The following LRBA variants were observed in gnomAD, a reference collection of about 807,000 sequenced individuals.
The protein encoded by LRBA is LPS responsive beige-like anchor protein, also known as lipopolysaccharide-responsive and beige-like anchor protein.
Under a neutral mutation model 330.0 loss-of-function variants are expected in LRBA, and 176 were observed. The observed-to-expected ratio is 0.53, with a 90% CI of 0.47 to 0.60. The LOEUF (loss-of-function observed/expected upper bound fraction) is 0.60, where lower values mean the gene tolerates loss of function less well. Among genes scored for constraint, LRBA ranks in the 20% least tolerant of loss-of-function variants. LRBA has a pLI of 0.00. For missense variants in LRBA, 3,259 were observed against 3,444.8 expected (o/e 0.95, Z 1.35); for synonymous variants, 1,230 against 1,193.0 (o/e 1.03, Z -0.64).
chr4:150,638,319 G>A (rs970718194), intron 37 of LRBA, among the ~76,000 whole-genome samples: 9 of 152,132 alleles, frequency 5.9e-5, no homozygotes, highest in East Asian at 3.9e-4. Context: ...AAGCCACCAC[G>A]CCCGGCCAAC....
chr4:150,410,729 A>G (rs1746868953), intron 47 of LRBA, among the ~76,000 whole-genome samples: 1 of 152,190 alleles, frequency 6.6e-6, no homozygotes, highest in Admixed American at 6.5e-5. Flanking sequence ...AGCACCCAAT[A>G]AATACATGTT....
chr4:150,949,539 TAA>T (rs1168976943), intron 2 of LRBA, among the ~76,000 whole-genome samples: 1 of 152,094 alleles, frequency 6.6e-6, no homozygotes, highest in Non-Finnish European at 1.5e-5. Context: ...GGAAACCGGA[TAA>T]AGAGTACAAA....
At chr4:150,319,098 C>T (rs190269473) in intron 50 of LRBA, among the ~76,000 whole-genome samples, 2 of 152,224 alleles carry the variant, frequency 1.3e-5, no homozygotes, top group East Asian at 1.9e-4. Flanking sequence ...GTCATCAACG[C>T]GTAGGGTCTT....
chr4:150,579,999 G>GC (rs1771071787), intron 40 of LRBA: 1 of 305,092 alleles, frequency 3.3e-6, no homozygotes, highest in Non-Finnish European at 6.5e-6. Flanking sequence ...TCTCCCGGCA[G>GC]CGCAGTGCCC....
intron 40 of LRBA, among the ~76,000 whole-genome samples, chr4:150,492,389 C>T (rs1051919167): frequency 1.3e-5 from 2 of 151,992 alleles, no homozygotes; most frequent in Admixed American, 1.3e-4. Flanking sequence ...AGAAATCCTA[C>T]TAATTCAGTA....
At chr4:150,979,503 C>T (rs191912413) in intron 2 of LRBA, among the ~76,000 whole-genome samples, 12 of 152,138 alleles carry the variant, frequency 7.9e-5, no homozygotes. Flanking sequence ...CACAATAACA[C>T]CATAACTTGG....
At chr4:150,630,847 A>G (rs1178071914) in intron 37 of LRBA, among the ~76,000 whole-genome samples, 1 of 152,134 alleles carries the variant, frequency 6.6e-6, no homozygotes, top group Non-Finnish European at 1.5e-5. Context: ...CATACTATGG[A>G]AAGAGATGTT....
chr4:150,986,219 A>C (rs1365091275), intron 2 of LRBA, among the ~76,000 whole-genome samples: 1 of 152,028 alleles, frequency 6.6e-6, no homozygotes, highest in African/African-American at 2.4e-5. Flanking sequence ...ACAAAAGACA[A>C]TTTTTCCACA....
chr4:150,571,202 G>GA (rs1298332325), intron 40 of LRBA, among the ~76,000 whole-genome samples: 7 of 150,552 alleles, frequency 4.6e-5, no homozygotes, highest in Admixed American at 1.3e-4. Context: ...TTTCATTCCT[G>GA]AAAAAGCAAC....
intron 34 of LRBA, among the ~76,000 whole-genome samples, chr4:150,764,242 C>T (rs896375629): frequency 1.3e-5 from 2 of 151,176 alleles, no homozygotes; most frequent in Admixed American, 1.3e-4. Context: ...AAAGTATCCA[C>T]TGTCAGGAAA....
Position 150,928,459 on chromosome 4 carries a change from G to A in LRBA, c.549+57C>T, listed in dbSNP as rs544401577. Reference sequence around the variant, plus strand: ...TAATATCAGTTACTTTACAAGCTACGAATGTGTTTGGGAGGAGCATACTTT... The same window carrying A: ...TAATATCAGTTACTTTACAAGCTACAAATGTGTTTGGGAGGAGCATACTTT... On this transcript the variant is annotated intron_variant, in intron 4 of 56. Transcript: ENST00000651943. The A allele has an allele frequency of 1.4e-4, 142 of 1,003,642 alleles. No individual in the cohort carries two copies. The African/African-American group carries it at 1.9e-3, about 13-fold the overall frequency. The allele number at this position is 1,003,642 out of a possible 1,614,324, so 62.2% of individuals were successfully genotyped here.
chr4:150,281,633 G>A (rs1236751904), intron 55 of LRBA, among the ~76,000 whole-genome samples: 1 of 152,098 alleles, frequency 6.6e-6, no homozygotes, highest in Non-Finnish European at 1.5e-5. Context: ...CCCTACTCCT[G>A]CCCCCAACAT....
chr4:150,720,973 A>C (rs1728855123), intron 36 of LRBA: 1 of 492,564 alleles, frequency 2.0e-6, no homozygotes, highest in African/African-American at 2.0e-5. Flanking sequence ...AAGTCAAGCA[A>C]GGCAGTCATG....
chr4:150,920,196 A>AT (rs1173393132), intron 5 of LRBA, among the ~76,000 whole-genome samples: 2 of 152,216 alleles, frequency 1.3e-5, no homozygotes, highest in African/African-American at 4.8e-5. Context: ...GAGAACTAAC[A>AT]TAAAAAAAAG....
At chr4:150,811,294 T>C (rs966684170) in intron 31 of LRBA, among the ~76,000 whole-genome samples, 6 of 152,216 alleles carry the variant, frequency 3.9e-5, no homozygotes, top group African/African-American at 1.4e-4. Context: ...ACATTTTCTC[T>C]ATTAGGATTA....
chr4:150,557,622 C>T (rs1475379832), intron 40 of LRBA, among the ~76,000 whole-genome samples: 20 of 151,950 alleles, frequency 1.3e-4, no homozygotes, highest in Admixed American at 1.3e-3. Flanking sequence ...CCTTTGACAG[C>T]TTTAAAGAGT....
chr4:150,870,072 T>C (rs1753245588), intron 20 of LRBA, among the ~76,000 whole-genome samples: 1 of 152,216 alleles, frequency 6.6e-6, no homozygotes. Flanking sequence ...GTATACTTTA[T>C]ACAAGTGCTT....
intron 40 of LRBA, among the ~76,000 whole-genome samples, chr4:150,526,795 T>A (rs527873274): frequency 2.0e-5 from 3 of 152,258 alleles, no homozygotes; most frequent in Admixed American, 2.0e-4. Flanking sequence ...AGACTTCTAT[T>A]TTTAATTAAC....
chr4:150,882,363 T>C (rs1259426541), intron 17 of LRBA, among the ~76,000 whole-genome samples: 1 of 152,180 alleles, frequency 6.6e-6, no homozygotes, highest in Non-Finnish European at 1.5e-5. Context: ...TTGTTCTTAT[T>C]TAATGCACAA....
Sources: gnomAD v4.1 joint callset for allele counts (sites outside exome capture counted in the v4.1 genomes callset) on GRCh38, gnomAD v4.1.1 for gene constraint, MANE v1.5 for transcripts, NCBI Gene and HGNC (gene_info 2026-07-23, HGNC 2026-07-21) for gene names.